SBF2: variants seen among roughly 807,000 people sequenced by gnomAD.
The protein encoded by SBF2 is SET binding factor 2, also known as myotubularin-related protein 13.
A neutral mutation model predicts 225.2 loss-of-function variants in SBF2; 112 were observed. The ratio of observed to expected loss-of-function variants is 0.50; its 90% CI spans 0.43 to 0.58. The LOEUF is 0.58. SBF2 is among the 20% of genes least tolerant of loss of function. The pLI, the probability that SBF2 is intolerant of heterozygous loss-of-function variation, is 0.00. For synonymous variants in SBF2, 763 were observed against 773.3 expected, an observed-to-expected ratio of 0.99 and a Z score of 0.22; for missense variants, 1,996 against 2,206.2, an observed-to-expected ratio of 0.90 and a Z score of 1.91.
At chr11:10,055,748 A>G (rs1445534408) in intron 2 of SBF2, among the ~76,000 whole-genome samples, 1 of 152,202 alleles carries the variant, frequency 6.6e-6, no homozygotes, top group Admixed American at 6.5e-5. Context: ...ACAGTGGTAT[A>G]ACGGACAATA....
intron 1 of SBF2, among the ~76,000 whole-genome samples, chr11:10,201,794 G>A (rs566005227): frequency 1.3e-3 from 201 of 152,212 alleles, no homozygotes; most frequent in Middle Eastern, 6.8e-3. Context: ...TCAGGAGTTC[G>A]AGACCAGCCT....
At chr11:10,197,265 C>G (rs747248174) in intron 1 of SBF2, among the ~76,000 whole-genome samples, 27 of 152,154 alleles carry the variant, frequency 1.8e-4, no homozygotes, top group Non-Finnish European at 3.4e-4. Flanking sequence ...GGTAGAGGAT[C>G]TGGAAACAAT....
At chr11:9,819,317 T>C (rs1176910718) in intron 28 of SBF2, 1 of 152,050 alleles carries the variant, frequency 6.6e-6, no homozygotes, top group Non-Finnish European at 1.5e-5. Context: ...GTAGGTAAGA[T>C]TAAAGACAGA....
intron 20 of SBF2, among the ~76,000 whole-genome samples, chr11:9,853,337 T>C (rs2133991787): frequency 6.6e-6 from 1 of 152,352 alleles, no homozygotes; most frequent in East Asian, 1.9e-4. Context: ...ATTGTAGATG[T>C]AATTAATGCC....
chr11:9,860,970 C>T, intron 17 of SBF2, among the ~76,000 whole-genome samples: 1 of 152,200 alleles, frequency 6.6e-6, no homozygotes, highest in East Asian at 1.9e-4. Flanking sequence ...GTATTTTTCA[C>T]ACTGATGGTG....
chr11:9,825,785 C>T (rs1855028187), intron 28 of SBF2, among the ~76,000 whole-genome samples: 1 of 152,070 alleles, frequency 6.6e-6, no homozygotes, highest in Non-Finnish European at 1.5e-5. Flanking sequence ...CCATAAAACC[C>T]TTGGTGATGC....
intron 2 of SBF2, among the ~76,000 whole-genome samples, chr11:10,191,196 C>G (rs889248061): frequency 1.3e-5 from 2 of 152,098 alleles, no homozygotes; most frequent in Admixed American, 6.5e-5. Flanking sequence ...CACGACTACA[C>G]TGGAAACAAC....
At chr11:9,874,032 C>G (rs912643521) in intron 17 of SBF2, among the ~76,000 whole-genome samples, 2 of 146,774 alleles carry the variant, frequency 1.4e-5, no homozygotes, top group South Asian at 2.3e-4. Flanking sequence ...ACACTCCAGT[C>G]TGGGAGACAA....
intron 1 of SBF2, among the ~76,000 whole-genome samples, chr11:10,226,643 T>C (rs533310008): frequency 1.3e-5 from 2 of 152,334 alleles, no homozygotes; most frequent in Admixed American, 6.5e-5. Context: ...TCCATGTCCC[T>C]ACAAAGGACA....
chr11:10,265,589 G>C (rs1329945484), intron 1 of SBF2, among the ~76,000 whole-genome samples: 2 of 151,830 alleles, frequency 1.3e-5, no homozygotes, highest in African/African-American at 4.8e-5. Flanking sequence ...AAAATCTAGA[G>C]AACTCAATGA....
In SBF2 at chr11:10,146,451, G is replaced by A. The variant is rs190420949; in HGVS notation, c.141+47451C>T. Among the ~76,000 whole-genome samples, 57 of 151,860 alleles carry A rather than the reference G, an allele frequency of 3.8e-4. 1 individual carries two copies. Among genetic ancestry groups the A allele is most frequent in the Admixed American group, 1.6e-3 (25 of 15,236 alleles). ...CAATCATCCAATCTTGAACAAAGCC[G>A]ACAAAAAACAAGCACTGGGGAAAGG... On this transcript the variant is annotated intron_variant, in intron 2 of 39. Coordinates refer to ENST00000256190, the MANE Select transcript of SBF2 (RefSeq NM_030962.4).
intron 1 of SBF2, among the ~76,000 whole-genome samples, chr11:10,242,569 G>T (rs985503405): frequency 6.6e-6 from 1 of 151,972 alleles, no homozygotes; most frequent in Admixed American, 6.6e-5. Flanking sequence ...TAAAAAACAA[G>T]ATCCAACTGT....
At chr11:9,785,448 T>A (rs1334471419) in intron 36 of SBF2, 130 bp from the exon 37 acceptor site, 1 of 764,994 alleles carries the variant, frequency 1.3e-6, no homozygotes, top group Non-Finnish European at 2.3e-6. Flanking sequence ...TACAAAGGTA[T>A]CAATCTCAGA....
chr11:9,889,269 T>C (rs964816974), intron 17 of SBF2, among the ~76,000 whole-genome samples: 1 of 152,206 alleles, frequency 6.6e-6, no homozygotes, highest in Non-Finnish European at 1.5e-5. Context: ...TTAGGTAAGT[T>C]AGATTCATAC....
intron 2 of SBF2, among the ~76,000 whole-genome samples, chr11:10,166,961 CCACACACACA>C (rs373552790): frequency 7.9e-6 from 1 of 125,904 alleles, no homozygotes; most frequent in African/African-American, 3.2e-5. Context: ...GACTCTGTCT[CCACACACACA>C]CACACACACA....
chr11:9,784,893 C>G (rs548955381), intron 37 of SBF2: 1 of 568,510 alleles, frequency 1.8e-6, no homozygotes, highest in African/African-American at 1.9e-5. Flanking sequence ...GAGATAAGAG[C>G]CATCAGGACT....
At chr11:9,899,522 T>C (rs558085930) in intron 16 of SBF2, among the ~76,000 whole-genome samples, 1 of 147,440 alleles carries the variant, frequency 6.8e-6, no homozygotes, top group South Asian at 2.1e-4. Flanking sequence ...AAAAGCCACT[T>C]GAAGAGTTAT....
chr11:10,238,729 A>T lies in SBF2; in HGVS notation c.56-44742T>A, dbSNP rs1178761881. ...GGAGTTTGAGACCAGCCTAGCCAAC[A>T]TGGTGAAACTCTGTCTCTACAAAAA... is the stretch of plus-strand genomic sequence containing the variant. On this transcript the variant is annotated intron_variant, in intron 1 of 39. Coordinates refer to ENST00000256190, the MANE Select transcript of SBF2 (RefSeq NM_030962.4). 1.3e-5 allele frequency among the ~76,000 whole-genome samples: 2 copies of T among 150,708 alleles called. 1 individual carries two copies. The highest frequency in any genetic ancestry group is 3.0e-5 in the Non-Finnish European group (2 of 67,442).
intron 2 of SBF2, among the ~76,000 whole-genome samples, chr11:10,149,714 G>A (rs1343904206): frequency 6.6e-6 from 1 of 152,132 alleles, no homozygotes; most frequent in Non-Finnish European, 1.5e-5. Flanking sequence ...CAATTTCTAT[G>A]TTGATCAGGG....
Sources: allele counts gnomAD v4.1 joint callset (sites outside exome capture counted in the v4.1 genomes callset), GRCh38; gene constraint gnomAD v4.1.1; transcripts MANE v1.5; gene names NCBI Gene and HGNC (gene_info 2026-07-23, HGNC 2026-07-21).